Variants in SPATS2L observed in about 807,000 individuals in gnomAD.
The protein encoded by SPATS2L is SPATS2-like protein.
Under a neutral mutation model 59.6 loss-of-function variants are expected in SPATS2L, and 30 were observed. The ratio of observed to expected loss-of-function variants is 0.50; its 90% confidence interval spans 0.38 to 0.68. SPATS2L has a LOEUF of 0.68. Ranked by LOEUF, SPATS2L falls within the 30% of genes least tolerant of loss-of-function variation. The pLI is 0.00. For missense variants in SPATS2L, 615 were observed against 700.0 expected (o/e 0.88, Z 1.37); for synonymous variants, 252 against 263.5 (o/e 0.96, Z 0.42).
At position 200,477,678 on chromosome 2, in the gene SPATS2L, C is replaced by G; in HGVS notation, c.1324C>G (p.His442Asp). The change falls in exon 13 of 13, where the codon CAT (histidine) becomes GAT (aspartate). Residue 442 changes from histidine to aspartate, a missense_variant. By Grantham distance (81) the His-to-Asp change is moderately conservative (BLOSUM62 -1). Around this residue, in one of 3 missense-constraint regions of SPATS2L, gnomAD observed 284 missense variants for 280.1 expected, o/e 1.01. Transcript: ENST00000409140. ...NQRRRFNPQY[H>D]NNRLNGPAKS... ...AAGACGGAGATTTAATCCACAGTATCATAACAACAGGCTAAATGGGCCTGC... is the reference window on the plus strand; with the variant it reads ...AAGACGGAGATTTAATCCACAGTATGATAACAACAGGCTAAATGGGCCTGC... The G allele has an allele frequency of 6.4e-7, 1 of 1,565,724 alleles. No homozygotes were observed. The highest frequency in any genetic ancestry group is 8.7e-7 in the Non-Finnish European group (1 of 1,154,562).
chr2:200,389,301 G>C lies in SPATS2L; in HGVS notation c.39+18G>C. ...AGGAAAAGGTAAGATCAAGTTATAC[G>C]TTGGCTCACAGAAACTCCAAACTAG... On this transcript the variant is annotated intron_variant, in intron 3 of 12. Transcript: ENST00000409140. The C allele has an allele frequency of 6.4e-7, 1 of 1,555,438 alleles. No individual in the cohort carries two copies. Among genetic ancestry groups the C allele is most frequent in the East Asian group, 2.3e-5 (1 of 43,098 alleles).
At chr2:200,348,673 A>T (rs2080603479) in intron 2 of SPATS2L, among the ~76,000 whole-genome samples, 2 of 152,102 alleles carry the variant, frequency 1.3e-5, no homozygotes, top group South Asian at 4.2e-4. Flanking sequence ...ATACCAGTAG[A>T]TCACTAAGCT....
chr2:200,371,085 A>G lies in SPATS2L; in HGVS notation c.-22-18138A>G, dbSNP rs371472467. Among the ~76,000 whole-genome samples the G allele has an allele frequency of 3.3e-5, 5 of 152,312 alleles. No individual in the cohort carries two copies. In the East Asian group the frequency reaches 5.8e-4, roughly 18 times the overall value. On this transcript the variant is annotated intron_variant, in intron 2 of 12. Coordinates refer to ENST00000409140, the MANE Select transcript of SPATS2L (RefSeq NM_001100423.2). ...AATTGATTGTCGGCTCATTATGATCAGTGTATACCGTGATGTGATTATCAA... is the reference window on the plus strand; with the variant it reads ...AATTGATTGTCGGCTCATTATGATCGGTGTATACCGTGATGTGATTATCAA...
chr2:200,471,171 A>C (rs2087003449), intron 11 of SPATS2L, among the ~76,000 whole-genome samples: 1 of 152,112 alleles, frequency 6.6e-6, no homozygotes, highest in South Asian at 2.1e-4. Context: ...ATCTCAAAAA[A>C]TTAATTAATT....
chr2:200,419,414 T>C lies in SPATS2L; in HGVS notation c.363T>C (p.Ala121=). Residue 121 remains alanine (A), a synonymous_variant, in exon 6 of 13, where the codon GCT becomes GCC. Transcript: ENST00000409140. ...CEKDSSSTDS[A]NEKPALIPRE... ...AGGACAGCTCGTCCACAGATTCTGC[T>C]AACGAAAAACCAGCCCTTATCCCTC... The C allele has an allele frequency of 6.2e-7, 1 of 1,613,772 alleles. No homozygotes were observed.
At chr2:200,323,746 A>T (rs1198815176) in intron 1 of SPATS2L, among the ~76,000 whole-genome samples, 1 of 152,218 alleles carries the variant, frequency 6.6e-6, no homozygotes, top group African/African-American at 2.4e-5. Flanking sequence ...TAGATCTATT[A>T]TGTTGTTCTA....
At chr2:200,453,275 G>A (rs150639080) in intron 8 of SPATS2L, among the ~76,000 whole-genome samples, 1,800 of 152,338 alleles carry the variant, frequency 0.012, 18 homozygotes, top group Non-Finnish European at 0.02. Flanking sequence ...GTGCAAGAAC[G>A]TGAGTGCCCT....
chr2:200,440,583 G>T, intron 7 of SPATS2L, 66 bp from the exon 8 acceptor site: 1 of 1,491,880 alleles, frequency 6.7e-7, no homozygotes, highest in Non-Finnish European at 9.2e-7. Context: ...GCTTTGTTTT[G>T]TTGTTTAGCT....
intron 2 of SPATS2L, among the ~76,000 whole-genome samples, chr2:200,336,135 A>G (rs923029421): frequency 6.6e-6 from 1 of 152,264 alleles, no homozygotes; most frequent in African/African-American, 2.4e-5. Flanking sequence ...CAAAAAAAGA[A>G]TGGCAAAGCT....
intron 2 of SPATS2L, among the ~76,000 whole-genome samples, chr2:200,334,790 T>C (rs2080084955): frequency 6.6e-6 from 1 of 152,216 alleles, no homozygotes; most frequent in Non-Finnish European, 1.5e-5. Flanking sequence ...CATTTCTTGT[T>C]TTTGTCAGGT....
At chr2:200,457,868 A>G (rs369487195) in intron 8 of SPATS2L, among the ~76,000 whole-genome samples, 6 of 152,186 alleles carry the variant, frequency 3.9e-5, no homozygotes, top group African/African-American at 1.4e-4. Flanking sequence ...ATACTGCAAA[A>G]TTTTTCAGAG....
intron 2 of SPATS2L, among the ~76,000 whole-genome samples, chr2:200,380,707 A>AT (rs1338238369): frequency 6.6e-6 from 1 of 152,152 alleles, no homozygotes; most frequent in East Asian, 1.9e-4. Context: ...TAAATGTGAA[A>AT]TTTTTTTCTG....
intron 2 of SPATS2L, chr2:200,378,486 C>A: frequency 1.4e-6 from 1 of 700,122 alleles, no homozygotes; most frequent in Non-Finnish European, 1.8e-6. Flanking sequence ...TGCCTTCACT[C>A]CCCAGTATTT....
chr2:200,326,450 T>G (rs2079745558), intron 1 of SPATS2L, among the ~76,000 whole-genome samples: 1 of 152,174 alleles, frequency 6.6e-6, no homozygotes, highest in South Asian at 2.1e-4. Flanking sequence ...CTACTGAAAT[T>G]TCAATCGTTT....
intron 1 of SPATS2L, among the ~76,000 whole-genome samples, chr2:200,309,620 A>G (rs1434805090): frequency 6.6e-6 from 1 of 152,240 alleles, no homozygotes; most frequent in Non-Finnish European, 1.5e-5. Context: ...GGGTCTGTTT[A>G]TTGATCTCTG....
At chr2:200,350,982 C>G (rs1015510640) in intron 2 of SPATS2L, among the ~76,000 whole-genome samples, 12 of 152,162 alleles carry the variant, frequency 7.9e-5, no homozygotes, top group African/African-American at 2.9e-4. Context: ...AGGAATTACC[C>G]TCCACAAAGA....
intron 12 of SPATS2L, 115 bp from the exon 13 acceptor site, chr2:200,477,515 TAAAAAA>T (rs59073895): frequency 0.27 from 80,969 of 300,954 alleles, 4,022 homozygotes; most frequent in Admixed American, 0.3. Flanking sequence ...TTCTGGTGTA[TAAAAAA>T]AAAAAAAAAA....
intron 10 of SPATS2L, among the ~76,000 whole-genome samples, chr2:200,468,118 C>T (rs2086727888): frequency 6.6e-6 from 1 of 151,974 alleles, no homozygotes; most frequent in Non-Finnish European, 1.5e-5. Flanking sequence ...GCTCGGATCC[C>T]TAAGAGAGAG....
rs551903634 is a variant in SPATS2L, at chr2:200,365,040, G to A, written c.-22-24183G>A. Among the ~76,000 whole-genome samples, 16 of 152,308 alleles carry A rather than the reference G, an allele frequency of 1.1e-4. No homozygotes were observed. In the South Asian group the frequency reaches 3.3e-3, roughly 32 times the overall value. Reference sequence around the variant, plus strand: ...GTCCTTCAGGTCAGTTAAGTCAGTTGGGTAGATCCTGGTGTAAGTGAATAA... The same window carrying A: ...GTCCTTCAGGTCAGTTAAGTCAGTTAGGTAGATCCTGGTGTAAGTGAATAA... On this transcript the variant is annotated intron_variant, in intron 2 of 12. Coordinates refer to ENST00000409140, the MANE Select transcript of SPATS2L (RefSeq NM_001100423.2).
Sources: allele counts gnomAD v4.1 joint callset (sites outside exome capture counted in the v4.1 genomes callset), GRCh38; gene constraint gnomAD v4.1.1; regional missense constraint gnomAD v4.1.1; transcripts MANE v1.5; gene names NCBI Gene and HGNC (gene_info 2026-07-23, HGNC 2026-07-21).